NEBL: variants seen among roughly 807,000 people sequenced by gnomAD.
NEBL encodes nebulette, also known as LIM and SH3 protein 2.
In NEBL, 122 loss-of-function variants were observed where a neutral mutation model predicts 140.2. The observed-to-expected ratio is 0.87, with a 90% confidence interval of 0.75 to 1.01. The LOEUF is 1.01. Ranked by LOEUF, NEBL falls within the 50% of genes least tolerant of loss-of-function variation. The pLI is 0.00. For synonymous variants in NEBL, 436 were observed against 398.9 expected, an observed-to-expected ratio of 1.09 and a Z score of -1.11; for missense variants, 1,365 against 1,231.3, an observed-to-expected ratio of 1.11 and a Z score of -1.62.
At chr10:20,814,374 T>A (rs1838488370) in intron 22 of NEBL, among the ~76,000 whole-genome samples, 1 of 151,546 alleles carries the variant, frequency 6.6e-6, no homozygotes, top group South Asian at 2.1e-4. Flanking sequence ...GGTGGGAGGA[T>A]GACTTGAGGC....
chr10:21,132,844 G>A (rs747397977), intron 2 of NEBL, among the ~76,000 whole-genome samples: 1 of 152,124 alleles, frequency 6.6e-6, no homozygotes, highest in Non-Finnish European at 1.5e-5. Flanking sequence ...TTTAATAACT[G>A]AGTTGTAACC....
At chr10:21,029,771 C>A in intron 2 of NEBL, 1 of 769,238 alleles carries the variant, frequency 1.3e-6, no homozygotes, top group Non-Finnish European at 2.3e-6. Context: ...CGGTAGGGAT[C>A]GCTATGATGA....
chr10:21,108,211 G>C (rs1179325557), intron 2 of NEBL, among the ~76,000 whole-genome samples: 2 of 151,918 alleles, frequency 1.3e-5, no homozygotes, highest in Non-Finnish European at 2.9e-5. Flanking sequence ...TAGCTTTTGA[G>C]TTTGTTTGCT....
At chr10:21,145,211 G>C (rs1233404039) in intron 2 of NEBL, among the ~76,000 whole-genome samples, 1 of 152,176 alleles carries the variant, frequency 6.6e-6, no homozygotes, top group Non-Finnish European at 1.5e-5. Flanking sequence ...TTGCCCTTTG[G>C]TGTGTTTGAT....
At chr10:21,172,015 T>C in intron 2 of NEBL, 1 of 289,764 alleles carries the variant, frequency 3.5e-6, no homozygotes. Context: ...TATGGCAACA[T>C]CCTATGATTA....
chr10:21,100,005 C>T (rs1438968374), intron 2 of NEBL, among the ~76,000 whole-genome samples: 1 of 152,190 alleles, frequency 6.6e-6, no homozygotes, highest in Non-Finnish European at 1.5e-5. Context: ...CCTCCTCAAT[C>T]CTTTCTATTT....
intron 2 of NEBL, among the ~76,000 whole-genome samples, chr10:21,040,924 C>G (rs151281521): frequency 7.2e-5 from 11 of 152,258 alleles, no homozygotes; most frequent in African/African-American, 2.2e-4. Flanking sequence ...TCACTTTCCA[C>G]CTAAGTTTCC....
At chr10:21,151,575 C>T (rs961535389) in intron 2 of NEBL, among the ~76,000 whole-genome samples, 5 of 152,182 alleles carry the variant, frequency 3.3e-5, no homozygotes, top group Admixed American at 2.0e-4. Flanking sequence ...CCAGCAACTG[C>T]CCCCCTTAGT....
intron 7 of NEBL, among the ~76,000 whole-genome samples, chr10:20,866,311 A>G (rs1362535491): frequency 6.6e-6 from 1 of 152,116 alleles, no homozygotes; most frequent in Non-Finnish European, 1.5e-5. Context: ...GGGTAGCACA[A>G]CATTACAAAC....
intron 3 of NEBL, among the ~76,000 whole-genome samples, chr10:21,230,200 A>AT (rs1340795149): frequency 1.3e-5 from 2 of 152,210 alleles, no homozygotes; most frequent in Admixed American, 1.3e-4. Flanking sequence ...CTAAAGAAAT[A>AT]TAAAGAATAT....
At chr10:20,856,349 G>A (rs1045854434) in intron 9 of NEBL, among the ~76,000 whole-genome samples, 4 of 152,134 alleles carry the variant, frequency 2.6e-5, no homozygotes, top group Non-Finnish European at 5.9e-5. Flanking sequence ...TATTGCATAG[G>A]AGTGGCACGC....
chr10:21,276,235 G>A (rs1173329284), intron 1 of NEBL, among the ~76,000 whole-genome samples: 5 of 151,888 alleles, frequency 3.3e-5, no homozygotes, highest in Non-Finnish European at 7.4e-5. Context: ...GCCTCCCAAA[G>A]AGCTGGGATT....
intron 8 of NEBL, 149 bp downstream of exon 8, chr10:20,859,564 T>A (rs1843443820): frequency 3.4e-6 from 2 of 589,270 alleles, no homozygotes; most frequent in African/African-American, 3.8e-5. Context: ...CAATAATATA[T>A]TTTTCTCAGA....
chr10:21,183,146 T>A (rs971770603), intron 3 of NEBL, among the ~76,000 whole-genome samples: 7 of 152,062 alleles, frequency 4.6e-5, no homozygotes, highest in African/African-American at 1.2e-4. Flanking sequence ...TCTGCTGACA[T>A]GAAAACCGCT....
At chr10:21,079,796 G>A (rs761105862) in intron 2 of NEBL, among the ~76,000 whole-genome samples, 2 of 152,132 alleles carry the variant, frequency 1.3e-5, no homozygotes, top group African/African-American at 4.8e-5. Context: ...GAGGAAGGAC[G>A]TGCACAGACA....
At chr10:21,204,609 A>G (rs947020462) in intron 3 of NEBL, among the ~76,000 whole-genome samples, 3 of 152,152 alleles carry the variant, frequency 2.0e-5, no homozygotes, top group Non-Finnish European at 4.4e-5. Context: ...ATGGATTTCT[A>G]TCGTTTAAGG....
chr10:21,211,491 A>G (rs1841914504), intron 3 of NEBL, among the ~76,000 whole-genome samples: 2 of 152,180 alleles, frequency 1.3e-5, no homozygotes, highest in Middle Eastern at 3.4e-3. Flanking sequence ...CAAACAAACA[A>G]AAAACAAAAC....
intron 2 of NEBL, among the ~76,000 whole-genome samples, chr10:21,159,574 A>G (rs1564531300): frequency 6.6e-6 from 1 of 152,218 alleles, no homozygotes. Flanking sequence ...CAAGAAACCA[A>G]CTGGTATTCT....
intron 4 of NEBL, among the ~76,000 whole-genome samples, chr10:20,941,785 A>G (rs1834883736): frequency 6.6e-6 from 1 of 152,120 alleles, no homozygotes; most frequent in Non-Finnish European, 1.5e-5. Context: ...GCATTCTTAT[A>G]CACCAATAAC....
Sources: gnomAD v4.1 joint callset for allele counts (sites outside exome capture counted in the v4.1 genomes callset) on GRCh38, gnomAD v4.1.1 for gene constraint, MANE v1.5 for transcripts, NCBI Gene and HGNC (gene_info 2026-07-23, HGNC 2026-07-21) for gene names.